Variants in PPP1R16B observed in about 807,000 individuals in gnomAD.
The protein encoded by PPP1R16B is protein phosphatase 1 regulatory subunit 16B.
In PPP1R16B, 14 loss-of-function variants were observed where a neutral mutation model predicts 61.7. The ratio of observed to expected loss-of-function variants is 0.23; its 90% CI spans 0.15 to 0.35. The LOEUF is 0.35. Among genes scored for constraint, PPP1R16B ranks in the 10% least tolerant of loss-of-function variants. The pLI, the probability that PPP1R16B is intolerant of heterozygous loss-of-function variation, is 1.00. For missense variants in PPP1R16B, 547 were observed against 752.5 expected (o/e 0.73, Z 3.19); for synonymous variants, 266 against 305.3 (o/e 0.87, Z 1.34).
chr20:38,825,564 A>G (rs537850239), intron 1 of PPP1R16B, among the ~76,000 whole-genome samples: 2 of 152,238 alleles, frequency 1.3e-5, no homozygotes, highest in South Asian at 4.2e-4. Context: ...TAGTCACCTT[A>G]TCAGGGTGGA....
intron 2 of PPP1R16B, among the ~76,000 whole-genome samples, chr20:38,855,939 T>TAG (rs1225817106): frequency 2.0e-3 from 62 of 31,174 alleles, no homozygotes; most frequent in South Asian, 4.2e-3. Flanking sequence ...TATATATATA[T>TAG]ATATAGAGAG....
chr20:38,817,729 G>C (rs934741683), intron 1 of PPP1R16B, among the ~76,000 whole-genome samples: 4 of 152,166 alleles, frequency 2.6e-5, no homozygotes, highest in Non-Finnish European at 5.9e-5. Flanking sequence ...TGGAGAGAAA[G>C]AAGGGTACTG....
intron 10 of PPP1R16B, among the ~76,000 whole-genome samples, chr20:38,913,091 G>A (rs913047136): frequency 1.0e-4 from 15 of 150,622 alleles, no homozygotes; most frequent in Non-Finnish European, 2.2e-4. Context: ...GGCTGGTCTC[G>A]AACTCCTGAC....
intron 2 of PPP1R16B, among the ~76,000 whole-genome samples, chr20:38,875,561 T>G (rs1372273662): frequency 6.6e-6 from 1 of 152,200 alleles, no homozygotes; most frequent in Admixed American, 6.5e-5. Context: ...GAACCGAGTC[T>G]GTATCAGAAA....
At chr20:38,866,216 T>C (rs1254503096) in intron 2 of PPP1R16B, among the ~76,000 whole-genome samples, 1 of 152,162 alleles carries the variant, frequency 6.6e-6, no homozygotes, top group East Asian at 1.9e-4. Flanking sequence ...GAAAATCACT[T>C]AGGCAATGGG....
intron 1 of PPP1R16B, among the ~76,000 whole-genome samples, chr20:38,831,113 G>A (rs1390378957): frequency 6.6e-6 from 1 of 152,350 alleles, no homozygotes; most frequent in Non-Finnish European, 1.5e-5. Context: ...TTGACCACGA[G>A]CACCTTTGTC....
intron 6 of PPP1R16B, among the ~76,000 whole-genome samples, chr20:38,903,583 A>G (rs376877325): frequency 8.2e-5 from 10 of 121,910 alleles, no homozygotes; most frequent in South Asian, 5.0e-4. Context: ...CCGTCCGTCC[A>G]TCCATCCATC....
chr20:38,864,377 A>G (rs1038913280), intron 2 of PPP1R16B, among the ~76,000 whole-genome samples: 1 of 152,248 alleles, frequency 6.6e-6, no homozygotes, highest in African/African-American at 2.4e-5. Context: ...TTAAAAATGA[A>G]AAGTCAGGGA....
chr20:38,861,223 A>G (rs1222650434), intron 2 of PPP1R16B, among the ~76,000 whole-genome samples: 4 of 152,156 alleles, frequency 2.6e-5, no homozygotes, highest in Non-Finnish European at 5.9e-5. Context: ...CCCTCTGTAA[A>G]ACGGAAATAA....
chr20:38,833,808 C>G (rs1334734230), intron 1 of PPP1R16B, among the ~76,000 whole-genome samples: 3 of 152,212 alleles, frequency 2.0e-5, no homozygotes, highest in Non-Finnish European at 4.4e-5. Context: ...CTCCAGTCTC[C>G]GAGCTGGGAG....
rs1464329061 is a variant in PPP1R16B, at chr20:38,895,508, A to G, written c.322-57A>G. Reference sequence around the variant, plus strand: ...GCGGGGAACCTGGTGTGTCCTGACCAGGGCCCGGGGCCCAGTGCCCTGCCT... The same window carrying G: ...GCGGGGAACCTGGTGTGTCCTGACCGGGGCCCGGGGCCCAGTGCCCTGCCT... On this transcript the variant is annotated intron_variant, in intron 3 of 10. Transcript: ENST00000299824. 3.2e-6 allele frequency: 5 copies of G among 1,567,288 alleles called. No individual in the cohort carries two copies. In the South Asian group the frequency reaches 5.6e-5, roughly 18 times the overall value.
chr20:38,855,907 CATATAT>C (rs371138532), intron 2 of PPP1R16B, among the ~76,000 whole-genome samples: 400 of 17,782 alleles, frequency 0.022, 10 homozygotes, highest in East Asian at 0.04. Flanking sequence ...CAGTTTCCTA[CATATAT>C]ATATATATAT....
At chr20:38,896,042 C>G (rs991939069) in intron 4 of PPP1R16B, among the ~76,000 whole-genome samples, 7 of 133,562 alleles carry the variant, frequency 5.2e-5, no homozygotes, top group Non-Finnish European at 9.2e-5. Context: ...TTCCTTCTTT[C>G]TTTTCTCCCT....
At chr20:38,886,829 C>T (rs915451220) in intron 2 of PPP1R16B, among the ~76,000 whole-genome samples, 1 of 152,218 alleles carries the variant, frequency 6.6e-6, no homozygotes, top group African/African-American at 2.4e-5. Context: ...TTCTTGAGGA[C>T]TCACTGTGTA....
chr20:38,904,800 T>G (rs1376016895), intron 6 of PPP1R16B, among the ~76,000 whole-genome samples: 1 of 152,128 alleles, frequency 6.6e-6, no homozygotes, highest in Non-Finnish European at 1.5e-5. Flanking sequence ...GCCCCCGAGG[T>G]TCTCTGGCTT....
intron 2 of PPP1R16B, among the ~76,000 whole-genome samples, chr20:38,859,546 C>A (rs1418733449): frequency 2.6e-5 from 4 of 152,238 alleles, no homozygotes; most frequent in Non-Finnish European, 5.9e-5. Context: ...GACTGGGGTG[C>A]AGTGGCAAAA....
chr20:38,858,668 A>T (rs2085025664), intron 2 of PPP1R16B, among the ~76,000 whole-genome samples: 2 of 152,156 alleles, frequency 1.3e-5, no homozygotes, highest in Non-Finnish European at 2.9e-5. Flanking sequence ...AAAACTCTGG[A>T]GAGGGCAGTG....
intron 10 of PPP1R16B, among the ~76,000 whole-genome samples, chr20:38,912,085 G>A (rs367633996): frequency 1.5e-4 from 23 of 150,050 alleles, no homozygotes; most frequent in African/African-American, 5.7e-4. Context: ...CCAACCCTTG[G>A]TATAGTCAGT....
chr20:38,858,067 G>T, intron 2 of PPP1R16B, among the ~76,000 whole-genome samples: 1 of 152,082 alleles, frequency 6.6e-6, no homozygotes, highest in East Asian at 1.9e-4. Flanking sequence ...TCCTCACCTG[G>T]TGGTGGTTTG....
Sources: gnomAD v4.1 joint callset for allele counts (sites outside exome capture counted in the v4.1 genomes callset) on GRCh38, gnomAD v4.1.1 for gene constraint, MANE v1.5 for transcripts, NCBI Gene and HGNC (gene_info 2026-07-23, HGNC 2026-07-21) for gene names.